RTN4IP1: variants seen among roughly 807,000 people sequenced by gnomAD.
RTN4IP1 encodes NAD(P)H oxidoreductase RTN4IP1, mitochondrial.
A neutral mutation model predicts 46.6 loss-of-function variants in RTN4IP1; 32 were observed. The observed-to-expected ratio is 0.69, with a 90% confidence interval of 0.52 to 0.92. The LOEUF is 0.92. Among genes scored for constraint, RTN4IP1 ranks in the 40% least tolerant of loss-of-function variants. RTN4IP1 has a pLI of 0.00. For missense variants in RTN4IP1, 424 were observed against 485.8 expected (o/e 0.87, Z 1.20); for synonymous variants, 167 against 161.8 (o/e 1.03, Z -0.24).
chr6:106,603,918 G>A (rs1776001673), intron 4 of RTN4IP1, among the ~76,000 whole-genome samples: 2 of 152,252 alleles, frequency 1.3e-5, no homozygotes, highest in Middle Eastern at 3.4e-3. Flanking sequence ...ATCTGATACT[G>A]TATTAGCTAA....
intron 7 of RTN4IP1, among the ~76,000 whole-genome samples, chr6:106,586,500 C>T (rs539653337): frequency 1.3e-5 from 2 of 152,104 alleles, no homozygotes; most frequent in South Asian, 4.1e-4. Flanking sequence ...GCCTCCTGAG[C>T]AGCTGAACTA....
intron 4 of RTN4IP1, among the ~76,000 whole-genome samples, chr6:106,606,793 T>C (rs544331313): frequency 7.9e-5 from 12 of 152,154 alleles, no homozygotes; most frequent in African/African-American, 2.2e-4. Context: ...TGCTCATGGA[T>C]TGGAAAAATA....
intron 5 of RTN4IP1, among the ~76,000 whole-genome samples, chr6:106,592,855 G>C (rs1009984327): frequency 1.3e-5 from 2 of 152,036 alleles, no homozygotes; most frequent in Non-Finnish European, 2.9e-5. Context: ...CTTGAACCCC[G>C]GAGGCAGAGG....
chr6:106,623,170 A>G (rs1453430973), intron 1 of RTN4IP1, among the ~76,000 whole-genome samples: 1 of 152,212 alleles, frequency 6.6e-6, no homozygotes, highest in Non-Finnish European at 1.5e-5. Flanking sequence ...CTACCCATCA[A>G]TGATAGACTG....
intron 5 of RTN4IP1, 67 bp from the exon 6 acceptor site, chr6:106,592,367 A>G: frequency 6.5e-7 from 1 of 1,527,822 alleles, no homozygotes; most frequent in South Asian, 1.2e-5. Flanking sequence ...CTGCATTGAA[A>G]AAAAAATCAT....
Position 106,602,871 on chromosome 6 carries a change from T to C in RTN4IP1, c.669+3A>G. The stretch of plus-strand genomic sequence containing the variant: ...TATTCACAAGATTAAAAAATGGTTT[T>C]ACCTGTATAGCAAAAGTACCAACTC... On this transcript the variant is annotated splice_donor_region_variant and intron_variant, in intron 5 of 8. Transcript: ENST00000369063. 1 of 1,595,868 alleles carries C rather than the reference T, an allele frequency of 6.3e-7. No individual in the cohort carries two copies. Among genetic ancestry groups the C allele is most frequent in the Non-Finnish European group, 8.5e-7 (1 of 1,172,298 alleles).
At chr6:106,592,142 T>G in intron 6 of RTN4IP1, 22 bp downstream of exon 6, 2 of 1,608,956 alleles carry the variant, frequency 1.2e-6, no homozygotes, top group South Asian at 2.2e-5. Context: ...ACTCCCAGTG[T>G]GAACATTGTT....
chr6:106,628,696 C>T (rs370436558), intron 1 of RTN4IP1, 52 bp downstream of exon 1: 1 of 1,517,248 alleles, frequency 6.6e-7, no homozygotes, highest in Non-Finnish European at 9.0e-7. Flanking sequence ...AACGGCATAC[C>T]TTATGAAAGT....
chr6:106,627,070 T>C (rs1274022592), intron 1 of RTN4IP1, among the ~76,000 whole-genome samples: 1 of 152,152 alleles, frequency 6.6e-6, no homozygotes, highest in Non-Finnish European at 1.5e-5. Context: ...CTTCTACTCA[T>C]TATTTTATTT....
At chr6:106,626,338 ACT>A (rs1776642216) in intron 1 of RTN4IP1, among the ~76,000 whole-genome samples, 1 of 151,922 alleles carries the variant, frequency 6.6e-6, no homozygotes, top group Non-Finnish European at 1.5e-5. Context: ...TCAGGATTAT[ACT>A]CTGTCAGGGA....
intron 4 of RTN4IP1, among the ~76,000 whole-genome samples, chr6:106,617,308 A>G (rs1024808165): frequency 1.3e-5 from 2 of 152,250 alleles, no homozygotes; most frequent in African/African-American, 4.8e-5. Flanking sequence ...TGAATGCAGC[A>G]GAAGTCCATG....
At position 106,585,928 on chromosome 6, in the gene RTN4IP1, G is replaced by C. The variant is rs139223101; in HGVS notation, c.990+1751C>G. 2.4e-4 allele frequency among the ~76,000 whole-genome samples: 36 copies of C among 152,272 alleles called. No individual in the cohort carries two copies. In the East Asian group the frequency reaches 6.7e-3, roughly 29 times the overall value. On this transcript the variant is annotated intron_variant, in intron 7 of 8. Transcript: ENST00000369063. ...CATTTTAAAGCACTGGAAAATCTGG[G>C]TTTTGTGAAAGAGAAAGAAGAGACA... is the stretch of plus-strand genomic sequence containing the variant.
intron 5 of RTN4IP1, among the ~76,000 whole-genome samples, chr6:106,600,283 GA>G (rs1775910012): frequency 6.6e-6 from 1 of 152,076 alleles, no homozygotes; most frequent in Non-Finnish European, 1.5e-5. Flanking sequence ...CATCCTGAGA[GA>G]GTCTTAATCA....
At chr6:106,624,131 T>C (rs891508593) in intron 1 of RTN4IP1, among the ~76,000 whole-genome samples, 24 of 152,160 alleles carry the variant, frequency 1.6e-4, no homozygotes, top group South Asian at 6.2e-4. Context: ...TCTTGGCTCA[T>C]TGCAACCTCT....
At chr6:106,596,725 A>G (rs919233040) in intron 5 of RTN4IP1, among the ~76,000 whole-genome samples, 16 of 152,186 alleles carry the variant, frequency 1.1e-4, no homozygotes, top group African/African-American at 3.6e-4. Flanking sequence ...AAATGTCTTC[A>G]TAGTCATTCC....
At position 106,619,232 on chromosome 6, in the gene RTN4IP1, C is replaced by T; in HGVS notation, c.590G>A (p.Gly197Asp). The part of the protein sequence containing the change: ...TAWSAINKVG[G>D]LNDKNCTGKR... ...TCCTGTGCAATTCTTGTCATTCAGG[C>T]CACCAACTTTGTTTATAGCAGACCA... is the stretch of plus-strand genomic sequence containing the variant. Residue 197 changes from glycine (G) to aspartate (D), a missense_variant, in exon 4 of 9, where the codon GGC (glycine) becomes GAC (aspartate). By Grantham distance (94) the Gly-to-Asp change is moderately conservative. Coordinates refer to ENST00000369063, the MANE Select transcript of RTN4IP1 (RefSeq NM_032730.5). 6.2e-7 allele frequency: 1 copy of T among 1,614,156 alleles called. No individual in the cohort carries two copies. Among genetic ancestry groups the T allele is most frequent in the Non-Finnish European group, 8.5e-7 (1 of 1,180,018 alleles).
At chr6:106,579,720 G>A (rs572994295) in intron 8 of RTN4IP1, among the ~76,000 whole-genome samples, 16 of 151,848 alleles carry the variant, frequency 1.1e-4, no homozygotes, top group Non-Finnish European at 1.6e-4. Flanking sequence ...ATTTTTACTG[G>A]GGCATGCAGG....
Position 106,621,576 on chromosome 6 carries a change from T to G in RTN4IP1, c.427-83A>C, listed in dbSNP as rs72945075. 53,565 of 1,109,512 alleles carry G rather than the reference T, an allele frequency of 0.048. 1,621 individuals carry two copies. The highest frequency in any genetic ancestry group is 0.061 in the Non-Finnish European group (44,365 of 726,032). 68.7% of individuals were successfully genotyped at this position (1,109,512 alleles called of 1,614,324 possible). On this transcript the variant is annotated intron_variant, in intron 2 of 8. Transcript: ENST00000369063. The stretch of plus-strand genomic sequence containing the variant: ...CTAAGCAAGAAAGTGTTCCCTAATA[T>G]ATACCCTGTGCTGTGAAAAACACAG...
At chr6:106,589,278 G>GAGAAGGAGA (rs1554195497) in intron 6 of RTN4IP1, among the ~76,000 whole-genome samples, 1 of 26,036 alleles carries the variant, frequency 3.8e-5, no homozygotes, top group Non-Finnish European at 8.0e-5. Flanking sequence ...GAAGAAGAAG[G>GAGAAGGAGA]AGAAGAAGAA....
Sources: allele counts gnomAD v4.1 joint callset (sites outside exome capture counted in the v4.1 genomes callset), GRCh38; gene constraint gnomAD v4.1.1; transcripts MANE v1.5; gene names NCBI Gene and HGNC (gene_info 2026-07-23, HGNC 2026-07-21).